MATCAP1: variants seen among roughly 807,000 people sequenced by gnomAD.
The protein encoded by MATCAP1 is microtubule-associated tyrosine carboxypeptidase 1.
the MATCAP1 span, among the ~76,000 whole-genome samples, chr16:67,182,026 G>A: frequency 6.6e-5 from 10 of 152,160 alleles, no homozygotes; most frequent in Admixed American, 5.2e-4. Context: ...CGAGGCGGGC[G>A]GATCACCTGA....
the MATCAP1 span, chr16:67,178,574 G>T: frequency 7.3e-7 from 1 of 1,370,520 alleles, no homozygotes; most frequent in Non-Finnish European, 1.0e-6. Flanking sequence ...CCCAGCCCTG[G>T]CCCTGTTCCA....
At chr16:67,179,387 C>A in the MATCAP1 span, 1 of 1,567,882 alleles carries the variant, frequency 6.4e-7, no homozygotes. This position sits in a 1 kb window ranked among gnomAD's most constrained non-coding sequence, Gnocchi z 5.2. Flanking sequence ...GCTCCCAGGC[C>A]CCTTTCATGC....
At chr16:67,176,755 T>C in the MATCAP1 span, 16 of 1,462,934 alleles carry the variant, frequency 1.1e-5, no homozygotes, top group African/African-American at 2.9e-5. This position sits in a 1 kb window ranked among gnomAD's most constrained non-coding sequence, Gnocchi z 4.3. Flanking sequence ...CTTCATGTTC[T>C]AGGGGCCTAT....
At chr16:67,179,038 C>A in the MATCAP1 span, 4 of 1,081,596 alleles carry the variant, frequency 3.7e-6, no homozygotes. This position sits in a 1 kb window ranked among gnomAD's most constrained non-coding sequence, Gnocchi z 5.2. Flanking sequence ...GTCCTCAAGT[C>A]AAGTCCATTC....
At chr16:67,180,388 C>T in the MATCAP1 span, 2 of 1,612,850 alleles carry the variant, frequency 1.2e-6, no homozygotes, top group Non-Finnish European at 1.7e-6. Context: ...CGCATGTGGC[C>T]ACGGTGGCCC....
the MATCAP1 span, among the ~76,000 whole-genome samples, chr16:67,182,322 G>A: frequency 3.4e-4 from 51 of 150,488 alleles, no homozygotes; most frequent in Non-Finnish European, 6.5e-4. Flanking sequence ...AAACACAGTC[G>A]AACTTAGTTC....
At chr16:67,179,366 C>A in the MATCAP1 span, 1 of 1,540,430 alleles carries the variant, frequency 6.5e-7, no homozygotes, top group South Asian at 1.2e-5. The surrounding 1 kb of genome is among the most constrained non-coding windows in gnomAD (Gnocchi z 5.2). Flanking sequence ...CCCTCCTTCC[C>A]ACCCCTCCCA....
chr16:67,180,782 C>T, the MATCAP1 span: 1 of 434,730 alleles, frequency 2.3e-6, no homozygotes, highest in East Asian at 3.5e-5. Context: ...GGCTCTGCTA[C>T]CAGGGGTCTG....
chr16:67,176,013 G>T, the MATCAP1 span: 1 of 153,926 alleles, frequency 6.5e-6, no homozygotes, highest in Admixed American at 6.6e-5. This position sits in a 1 kb window ranked among gnomAD's most constrained non-coding sequence, Gnocchi z 4.3. Context: ...TGGGGAACAG[G>T]GCCAAGGGAG....
the MATCAP1 span, chr16:67,178,347 A>G: frequency 1.9e-6 from 3 of 1,575,676 alleles, no homozygotes; most frequent in Non-Finnish European, 1.7e-6. Flanking sequence ...AGAGCAGTGC[A>G]GCGCGCCACA....
At chr16:67,180,337 G>T in the MATCAP1 span, 1 of 1,612,306 alleles carries the variant, frequency 6.2e-7, no homozygotes, top group Admixed American at 1.7e-5. Flanking sequence ...CCACGCCCCC[G>T]CCGGCCAGTA....
the MATCAP1 span, chr16:67,179,469 G>A: frequency 5.0e-6 from 8 of 1,612,322 alleles, no homozygotes; most frequent in South Asian, 3.3e-5. The surrounding 1 kb of genome is among the most constrained non-coding windows in gnomAD (Gnocchi z 5.2). Context: ...CAGTACTGGC[G>A]GGCTCCGGTC....
chr16:67,176,817 G>A, the MATCAP1 span: 54 of 1,587,510 alleles, frequency 3.4e-5, no homozygotes, highest in Middle Eastern at 1.7e-4. The surrounding 1 kb of genome is among the most constrained non-coding windows in gnomAD (Gnocchi z 4.3). Flanking sequence ...GACATCAGTC[G>A]GGTAGCAGGC....
chr16:67,178,596 C>A, the MATCAP1 span: 1 of 1,162,564 alleles, frequency 8.6e-7, no homozygotes, highest in Non-Finnish European at 1.2e-6. Context: ...CTGGCCGGGG[C>A]TCTGGCCGCG....
chr16:67,177,466 C>G, the MATCAP1 span, among the ~76,000 whole-genome samples: 1 of 152,208 alleles, frequency 6.6e-6, no homozygotes, highest in African/African-American at 2.4e-5. Context: ...CCCTTCATCT[C>G]CAACCCAGCG....
the MATCAP1 span, chr16:67,177,979 CTGGGA>C: frequency 6.3e-7 from 1 of 1,580,514 alleles, no homozygotes; most frequent in Non-Finnish European, 8.7e-7. Flanking sequence ...AGGGAGCTGG[CTGGGA>C]CCTCTGAAGG....
chr16:67,178,731 C>T, the MATCAP1 span: 22 of 698,064 alleles, frequency 3.2e-5, no homozygotes, highest in African/African-American at 3.2e-4. Flanking sequence ...ATACATGAAT[C>T]CTCTCCCACC....
the MATCAP1 span, among the ~76,000 whole-genome samples, chr16:67,182,992 C>T: frequency 6.6e-6 from 1 of 152,198 alleles, no homozygotes; most frequent in African/African-American, 2.4e-5. Flanking sequence ...GTGCCTGGCC[C>T]GCAGCAATTG....
chr16:67,179,748 C>G, the MATCAP1 span: 2 of 1,601,532 alleles, frequency 1.2e-6, no homozygotes, highest in Non-Finnish European at 1.7e-6. This position sits in a 1 kb window ranked among gnomAD's most constrained non-coding sequence, Gnocchi z 5.2. Context: ...TGGAGCTGGA[C>G]CTGGGACCGC....
Sources: gnomAD v4.1 joint callset for allele counts (sites outside exome capture counted in the v4.1 genomes callset) on GRCh38, gnomAD v4.1.1 for gene constraint, Gnocchi (gnomAD v3.1) non-coding constraint, MANE v1.5 for transcripts, NCBI Gene and HGNC (gene_info 2026-07-23, HGNC 2026-07-21) for gene names.